Variants in PTPRT observed in about 807,000 individuals in gnomAD.
PTPRT encodes receptor-type tyrosine-protein phosphatase T.
A neutral mutation model predicts 176.8 loss-of-function variants in PTPRT; 56 were observed. The observed-to-expected ratio is 0.32, with a 90% CI of 0.26 to 0.40. The LOEUF (loss-of-function observed/expected upper bound fraction) is 0.40, where lower values mean the gene tolerates loss of function less well. Among genes scored for constraint, PTPRT ranks in the 10% least tolerant of loss-of-function variants. PTPRT has a pLI of 1.00. For synonymous variants in PTPRT, 783 were observed against 739.0 expected, an observed-to-expected ratio of 1.06 and a Z score of -0.96; for missense variants, 1,540 against 1,908.2, an observed-to-expected ratio of 0.81 and a Z score of 3.60.
chr20:42,465,067 TAA>T lies in PTPRT; in HGVS notation c.1450+7197_1450+7198del, dbSNP rs527602608. On this transcript the variant is annotated intron_variant, in intron 8 of 30. Coordinates refer to ENST00000373187, the MANE Select transcript of PTPRT (RefSeq NM_007050.6). ...ATATCAATAATATTATGGTATATAT[TAA>T]GTTATTAATTATAATCAATTACATT... is the stretch of plus-strand genomic sequence containing the variant. Among the ~76,000 whole-genome samples the T allele has an allele frequency of 2.2e-3, 330 of 152,030 alleles. 2 individuals are homozygous for T. The highest frequency in any genetic ancestry group is 7.1e-3 in the African/African-American group (295 of 41,500).
At chr20:42,211,541 A>G (rs2055629439) in intron 15 of PTPRT, among the ~76,000 whole-genome samples, 1 of 149,768 alleles carries the variant, frequency 6.7e-6, no homozygotes, top group Admixed American at 6.6e-5. Flanking sequence ...AAAACACATG[A>G]AAAAATGCTC....
intron 23 of PTPRT, among the ~76,000 whole-genome samples, chr20:42,109,034 G>GAGATAGAT (rs112418064): frequency 3.2e-4 from 48 of 152,168 alleles, no homozygotes; most frequent in African/African-American, 1.1e-3. Flanking sequence ...TGATTGCTAT[G>GAGATAGAT]AGATATAAAG....
chr20:42,945,125 TTATA>T (rs1236206747), intron 1 of PTPRT, among the ~76,000 whole-genome samples: 2 of 149,120 alleles, frequency 1.3e-5, no homozygotes, highest in Non-Finnish European at 3.0e-5. Flanking sequence ...TATATATACT[TTATA>T]TATTATGTAA....
chr20:42,161,449 C>G lies in PTPRT; in HGVS notation c.2585G>C (p.Arg862Pro). 6.2e-7 allele frequency: 1 copy of G among 1,614,090 alleles called. No individual in the cohort carries two copies. The highest frequency in any genetic ancestry group is 2.2e-5 in the East Asian group (1 of 44,870). Residue 862 changes from arginine to proline, a missense_variant, in exon 17 of 31, where the codon CGG (arginine) becomes CCG (proline). Transcript: ENST00000373187. ...TCDPVEMSYP[R>P]DQFQPAIRVA... ...CCGGATGGCGGGTTGGAACTGGTCC[C>G]GGGGGTAGCTCATCTCCACAGGGTC...
chr20:42,218,985 A>G (rs2055827657), intron 15 of PTPRT, among the ~76,000 whole-genome samples: 1 of 152,190 alleles, frequency 6.6e-6, no homozygotes, highest in Non-Finnish European at 1.5e-5. Flanking sequence ...ATGGAGATTC[A>G]TGGTCTTTAT....
chr20:42,408,396 ATG>A (rs1227805499), intron 9 of PTPRT, among the ~76,000 whole-genome samples: 1 of 152,044 alleles, frequency 6.6e-6, no homozygotes, highest in Non-Finnish European at 1.5e-5. Context: ...GTGTGTGTGT[ATG>A]TGTGTCTGTG....
chr20:43,077,786 C>T (rs1373095242), intron 1 of PTPRT, among the ~76,000 whole-genome samples: 3 of 152,206 alleles, frequency 2.0e-5, no homozygotes, highest in African/African-American at 7.2e-5. Flanking sequence ...ATTCTAATCC[C>T]TGCTGGCTTG....
chr20:42,717,692 A>G (rs553407876), intron 6 of PTPRT, among the ~76,000 whole-genome samples: 11 of 152,374 alleles, frequency 7.2e-5, no homozygotes, highest in African/African-American at 2.2e-4. Context: ...ATTCATCAAC[A>G]GATGCCATTA....
intron 6 of PTPRT, among the ~76,000 whole-genome samples, chr20:42,749,569 C>A (rs2076740714): frequency 6.6e-6 from 1 of 152,210 alleles, no homozygotes. Flanking sequence ...AGGTCCAGAA[C>A]CTCTCTGGGT....
chr20:43,090,430 G>A (rs2011786432), intron 1 of PTPRT, among the ~76,000 whole-genome samples: 1 of 152,040 alleles, frequency 6.6e-6, no homozygotes, highest in Non-Finnish European at 1.5e-5. Context: ...ACCACGCCTG[G>A]CTAATTTTTT....
intron 1 of PTPRT, among the ~76,000 whole-genome samples, chr20:43,117,182 G>A (rs929298279): frequency 2.6e-5 from 4 of 152,122 alleles, no homozygotes; most frequent in Non-Finnish European, 4.4e-5. Flanking sequence ...AGCAAGTCAC[G>A]TGCTTGACAG....
At chr20:42,456,898 A>G (rs886767463) in intron 8 of PTPRT, among the ~76,000 whole-genome samples, 1 of 152,124 alleles carries the variant, frequency 6.6e-6, no homozygotes, top group African/African-American at 2.4e-5. Context: ...TGAGTGTTTG[A>G]CTGATTGCAC....
chr20:43,014,868 G>A (rs1482102983), intron 1 of PTPRT, among the ~76,000 whole-genome samples: 1 of 152,236 alleles, frequency 6.6e-6, no homozygotes, highest in East Asian at 1.9e-4. Context: ...GAAAGTGGGG[G>A]CCTAGATAAG....
At chr20:42,816,970 TCAA>T (rs1475400645) in intron 2 of PTPRT, among the ~76,000 whole-genome samples, 2 of 152,092 alleles carry the variant, frequency 1.3e-5, no homozygotes. Flanking sequence ...GAAGGGGAGA[TCAA>T]CAATGTCTTC....
At chr20:42,432,046 CA>C (rs1323371672) in intron 9 of PTPRT, among the ~76,000 whole-genome samples, 2 of 152,330 alleles carry the variant, frequency 1.3e-5, no homozygotes, top group East Asian at 3.9e-4. Flanking sequence ...GGCTAGTCTT[CA>C]GGGGCATGGC....
chr20:42,654,451 C>T (rs1250035795), intron 7 of PTPRT, among the ~76,000 whole-genome samples: 1 of 152,142 alleles, frequency 6.6e-6, no homozygotes, highest in Non-Finnish European at 1.5e-5. Flanking sequence ...TGAGAACATC[C>T]CACACCAGAC....
intron 7 of PTPRT, among the ~76,000 whole-genome samples, chr20:42,488,063 C>A (rs1184978562): frequency 2.6e-5 from 4 of 152,210 alleles, no homozygotes; most frequent in Non-Finnish European, 5.9e-5. Flanking sequence ...TCCACCCAGG[C>A]TGCTGTGTGC....
chr20:42,350,459 TC>T (rs2058266395), intron 11 of PTPRT, among the ~76,000 whole-genome samples, 168 bp downstream of exon 11: 1 of 152,174 alleles, frequency 6.6e-6, no homozygotes, highest in South Asian at 2.1e-4. Context: ...TGCCTTGAAC[TC>T]AGGGGCTCCC....
intron 12 of PTPRT, among the ~76,000 whole-genome samples, chr20:42,292,547 T>C (rs1450322822): frequency 6.6e-6 from 1 of 152,156 alleles, no homozygotes; most frequent in Non-Finnish European, 1.5e-5. Context: ...TTAAATAACA[T>C]TTTTCAAGGT....
Sources: gnomAD v4.1 joint callset for allele counts (sites outside exome capture counted in the v4.1 genomes callset) on GRCh38, gnomAD v4.1.1 for gene constraint, MANE v1.5 for transcripts, NCBI Gene and HGNC (gene_info 2026-07-23, HGNC 2026-07-21) for gene names.